XKR6: variants seen among roughly 807,000 people sequenced by gnomAD.
XKR6 encodes the protein XK related 6.
Under a neutral mutation model 56.7 loss-of-function variants are expected in XKR6, and 22 were observed. The observed-to-expected ratio is 0.39, with a 90% confidence interval of 0.28 to 0.55. XKR6 has a LOEUF of 0.55. XKR6 is among the 20% of genes least tolerant of loss of function. The pLI is 0.66. For missense variants in XKR6, 852 were observed against 889.0 expected (o/e 0.96, Z 0.53); for synonymous variants, 524 against 387.8 (o/e 1.35, Z -4.13).
intron 1 of XKR6, among the ~76,000 whole-genome samples, chr8:10,975,010 T>A (rs949795323): frequency 3.9e-5 from 6 of 152,116 alleles, no homozygotes; most frequent in Non-Finnish European, 8.8e-5. Context: ...AAAAAGAACA[T>A]CTGGTTTCAA....
intron 1 of XKR6, among the ~76,000 whole-genome samples, chr8:11,068,634 G>A (rs1037201816): frequency 6.6e-6 from 1 of 152,164 alleles, no homozygotes; most frequent in African/African-American, 2.4e-5. Flanking sequence ...CAGCTGTGTG[G>A]ACATGGGCAG....
intron 2 of XKR6, among the ~76,000 whole-genome samples, chr8:10,923,840 AC>A (rs1324068087): frequency 1.3e-5 from 2 of 152,154 alleles, no homozygotes; most frequent in Admixed American, 6.5e-5. Flanking sequence ...CTGCCTGGCT[AC>A]CCAGATTACA....
intron 1 of XKR6, among the ~76,000 whole-genome samples, chr8:11,079,315 G>A (rs1471688802): frequency 6.6e-5 from 10 of 152,174 alleles, no homozygotes; most frequent in African/African-American, 9.7e-5. Context: ...ACATTTTGGC[G>A]CATTAAAGTA....
intron 1 of XKR6, chr8:11,129,030 G>A (rs1295337265): frequency 2.2e-6 from 1 of 453,192 alleles, no homozygotes; most frequent in South Asian, 1.6e-5. Flanking sequence ...TACACACAGT[G>A]AAATTAAGCA....
intron 1 of XKR6, among the ~76,000 whole-genome samples, chr8:11,130,417 G>A (rs367898427): frequency 2.6e-5 from 4 of 152,006 alleles, no homozygotes; most frequent in South Asian, 2.1e-4. Flanking sequence ...ATCCATCCAC[G>A]CTCCTTGGAA....
intron 1 of XKR6, among the ~76,000 whole-genome samples, chr8:11,163,731 A>G (rs1801936613): frequency 6.6e-6 from 1 of 152,194 alleles, no homozygotes; most frequent in African/African-American, 2.4e-5. Flanking sequence ...TGAGCACATA[A>G]ACTCATTTCT....
At chr8:11,014,822 C>T (rs1237993960) in intron 1 of XKR6, among the ~76,000 whole-genome samples, 2 of 152,102 alleles carry the variant, frequency 1.3e-5, no homozygotes, top group Non-Finnish European at 2.9e-5. Flanking sequence ...AACCTGCACG[C>T]GTACCCCCTG....
At chr8:11,034,922 T>C (rs949243771) in intron 1 of XKR6, among the ~76,000 whole-genome samples, 2 of 152,314 alleles carry the variant, frequency 1.3e-5, no homozygotes, top group Middle Eastern at 3.4e-3. Flanking sequence ...GTGATACTAA[T>C]GTACTAGCCA....
intron 1 of XKR6, among the ~76,000 whole-genome samples, chr8:11,184,147 C>G (rs1287569745): frequency 6.6e-6 from 1 of 152,128 alleles, no homozygotes; most frequent in African/African-American, 2.4e-5. Context: ...TTAAAGGTTT[C>G]AGAGTATAGT....
chr8:11,074,713 T>C (rs1000730598), intron 1 of XKR6, among the ~76,000 whole-genome samples: 1 of 152,002 alleles, frequency 6.6e-6, no homozygotes, highest in African/African-American at 2.4e-5. Context: ...GACGGCGAAG[T>C]GGAATGTGCT....
In XKR6 at chr8:11,201,594, C is replaced by T. The variant is rs1804251572; in HGVS notation, c.-255G>A. ...GCCCTACCCTCCCGGCCAAGATGGCCGCCCTCCTGTGCCTCAGCTGCTGGG... is the reference window on the plus strand; with the variant it reads ...GCCCTACCCTCCCGGCCAAGATGGCTGCCCTCCTGTGCCTCAGCTGCTGGG... On this transcript the variant is annotated 5_prime_UTR_variant, in exon 1 of 3. Coordinates refer to ENST00000416569, the MANE Select transcript of XKR6 (RefSeq NM_173683.4). Among the ~76,000 whole-genome samples, 2 of 151,916 alleles carry T rather than the reference C, an allele frequency of 1.3e-5. No individual in the cohort carries two copies. The highest frequency in any genetic ancestry group is 4.8e-5 in the African/African-American group (2 of 41,358).
intron 1 of XKR6, among the ~76,000 whole-genome samples, chr8:10,941,921 GGCT>G (rs5889351): frequency 0.028 from 4,230 of 152,264 alleles, 214 homozygotes; most frequent in African/African-American, 0.097. Context: ...CAGGCCTGTG[GGCT>G]GCACTCCGAC....
intron 1 of XKR6, among the ~76,000 whole-genome samples, chr8:11,100,372 T>C (rs905691422): frequency 6.6e-6 from 1 of 152,192 alleles, no homozygotes; most frequent in Non-Finnish European, 1.5e-5. Context: ...TAAAAAAGAA[T>C]AGAATTTATG....
chr8:10,986,260 G>A (rs978100911), intron 1 of XKR6, among the ~76,000 whole-genome samples: 4 of 152,126 alleles, frequency 2.6e-5, no homozygotes, highest in Admixed American at 6.5e-5. Flanking sequence ...ACTTCACAAC[G>A]TATGTATTCT....
Position 10,931,303 on chromosome 8 carries a change from A to G in XKR6, c.765-6473T>C, listed in dbSNP as rs866426902. On this transcript the variant is annotated intron_variant, in intron 1 of 2. Transcript: ENST00000416569. Reference sequence around the variant, plus strand: ...GAAAACCTAAATGATACAGAGACATACCATGTTCAGGGATTGGAAGATGCA... The same window carrying G: ...GAAAACCTAAATGATACAGAGACATGCCATGTTCAGGGATTGGAAGATGCA... Among the ~76,000 whole-genome samples, 62 of 152,350 alleles carry G rather than the reference A, an allele frequency of 4.1e-4. 1 individual carries two copies. The highest frequency in any genetic ancestry group is 1.4e-3 in the African/African-American group (58 of 41,596).
At chr8:11,054,668 C>T (rs1236479734) in intron 1 of XKR6, among the ~76,000 whole-genome samples, 7 of 152,226 alleles carry the variant, frequency 4.6e-5, no homozygotes, top group African/African-American at 1.7e-4. Context: ...AATTCCTGCC[C>T]CCATTGAGGG....
At chr8:11,167,899 A>C (rs1462099701) in intron 1 of XKR6, among the ~76,000 whole-genome samples, 1 of 133,660 alleles carries the variant, frequency 7.5e-6, no homozygotes, top group Non-Finnish European at 1.5e-5. Context: ...TTAAAAAAAA[A>C]AAAAAAAAAA....
At chr8:10,971,564 C>A (rs1407906573) in intron 1 of XKR6, among the ~76,000 whole-genome samples, 2 of 152,108 alleles carry the variant, frequency 1.3e-5, no homozygotes, top group African/African-American at 2.4e-5. Context: ...AGGAGACCAA[C>A]CCTTCCTCTA....
chr8:10,943,070 T>C (rs1434803951), intron 1 of XKR6, among the ~76,000 whole-genome samples: 1 of 152,216 alleles, frequency 6.6e-6, no homozygotes, highest in Non-Finnish European at 1.5e-5. Context: ...CGTACCCATC[T>C]GGGGCTCTTC....
Sources: allele counts gnomAD v4.1 joint callset (sites outside exome capture counted in the v4.1 genomes callset), GRCh38; gene constraint gnomAD v4.1.1; transcripts MANE v1.5; gene names NCBI Gene and HGNC (gene_info 2026-07-23, HGNC 2026-07-21).